The following TBL1XR1 variants were observed in gnomAD, a reference collection of about 807,000 sequenced individuals.
TBL1XR1 encodes the protein F-box-like/WD repeat-containing protein TBL1XR1.
In TBL1XR1, 5 loss-of-function variants were observed where a neutral mutation model predicts 66.9. The ratio of observed to expected loss-of-function variants is 0.07; its 90% CI spans 0.04 to 0.16. TBL1XR1 has a LOEUF of 0.16. Ranked by LOEUF, TBL1XR1 falls within the 10% of genes least tolerant of loss-of-function variation. The pLI is 1.00. For synonymous variants in TBL1XR1, 210 were observed against 206.0 expected, an observed-to-expected ratio of 1.02 and a Z score of -0.17; for missense variants, 238 against 623.2, an observed-to-expected ratio of 0.38 and a Z score of 6.58.
chr3:177,194,966 C>CTT (rs5854747), intron 1 of TBL1XR1, among the ~76,000 whole-genome samples: 88,059 of 151,718 alleles, frequency 0.58, 25,872 homozygotes, highest in East Asian at 0.75. Context: ...AGAAAAATGT[C>CTT]ATAAACTGAC....
intron 1 of TBL1XR1, among the ~76,000 whole-genome samples, chr3:177,099,649 G>A (rs1346059385): frequency 6.6e-6 from 1 of 152,238 alleles, no homozygotes; most frequent in Non-Finnish European, 1.5e-5. Flanking sequence ...AGCCCCCAAG[G>A]TTTGTTGCCT....
At chr3:177,070,186 G>C (rs1470688842) in intron 2 of TBL1XR1, among the ~76,000 whole-genome samples, 1 of 152,120 alleles carries the variant, frequency 6.6e-6, no homozygotes, top group East Asian at 1.9e-4. Context: ...AAGTCCAAGA[G>C]TCATTAGCTA....
intron 1 of TBL1XR1, among the ~76,000 whole-genome samples, chr3:177,147,175 T>C (rs1319662912): frequency 6.6e-6 from 1 of 151,996 alleles, no homozygotes; most frequent in Non-Finnish European, 1.5e-5. Flanking sequence ...GCCTCCTAAG[T>C]AGCTGGGACT....
upstream of TBL1XR1, among the ~76,000 whole-genome samples, chr3:177,201,577 G>A (rs1358597449): frequency 1.3e-5 from 2 of 152,050 alleles, no homozygotes; most frequent in African/African-American, 2.4e-5. Context: ...GGACTACAGG[G>A]TCTCATTACT....
intron 1 of TBL1XR1, among the ~76,000 whole-genome samples, chr3:177,150,932 G>A (rs1458809483): frequency 6.6e-6 from 1 of 152,150 alleles, no homozygotes; most frequent in Non-Finnish European, 1.5e-5. Flanking sequence ...TCACTGTATT[G>A]GAAGGTGAGT....
At chr3:177,095,872 T>C (rs1184084170) in intron 2 of TBL1XR1, among the ~76,000 whole-genome samples, 1 of 152,190 alleles carries the variant, frequency 6.6e-6, no homozygotes, top group Non-Finnish European at 1.5e-5. Context: ...CATATTATTT[T>C]AACAAGAACA....
At chr3:177,057,290 T>C (rs950486378) in intron 3 of TBL1XR1, among the ~76,000 whole-genome samples, 5 of 152,222 alleles carry the variant, frequency 3.3e-5, no homozygotes, top group Non-Finnish European at 5.9e-5. Context: ...TCTCCTACGC[T>C]GATCCTAGAA....
At chr3:177,034,658 T>C (rs959685229) in intron 12 of TBL1XR1, among the ~76,000 whole-genome samples, 2 of 152,148 alleles carry the variant, frequency 1.3e-5, no homozygotes, top group African/African-American at 4.8e-5. Context: ...GCAAAAGATC[T>C]ACATAATAAA....
At chr3:177,167,118 G>A (rs2091655) in intron 1 of TBL1XR1, among the ~76,000 whole-genome samples, 4 of 152,190 alleles carry the variant, frequency 2.6e-5, no homozygotes, top group African/African-American at 9.7e-5. Context: ...GTAGGTCAAA[G>A]TTGATAAACT....
At chr3:177,049,391 C>A (rs148906594) in intron 7 of TBL1XR1, among the ~76,000 whole-genome samples, 1 of 152,048 alleles carries the variant, frequency 6.6e-6, no homozygotes, top group African/African-American at 2.4e-5. Flanking sequence ...TTATCAACAA[C>A]GAAGTCAAAG....
At chr3:177,079,153 C>T (rs760316796) in intron 2 of TBL1XR1, among the ~76,000 whole-genome samples, 1 of 150,448 alleles carries the variant, frequency 6.6e-6, no homozygotes, top group Non-Finnish European at 1.5e-5. Context: ...AAATGTCGGC[C>T]GGGTGCGGTG....
intron 1 of TBL1XR1, among the ~76,000 whole-genome samples, chr3:177,170,930 C>T (rs995256862): frequency 6.6e-6 from 1 of 152,132 alleles, no homozygotes; most frequent in Non-Finnish European, 1.5e-5. Flanking sequence ...CCCTGGATCC[C>T]CAGTTCTAAC....
At chr3:177,072,833 G>A (rs1720212725) in intron 2 of TBL1XR1, among the ~76,000 whole-genome samples, 1 of 152,232 alleles carries the variant, frequency 6.6e-6, no homozygotes, top group African/African-American at 2.4e-5. Context: ...AGAAGCCGAG[G>A]CGGGTGGATC....
chr3:177,053,300 T>C (rs1717354425), intron 4 of TBL1XR1, among the ~76,000 whole-genome samples: 1 of 152,054 alleles, frequency 6.6e-6, no homozygotes. Flanking sequence ...AATCAAACTT[T>C]ATTGAGAAAA....
At chr3:177,034,449 G>A in intron 12 of TBL1XR1, 124 bp from the exon 13 acceptor site, 1 of 567,126 alleles carries the variant, frequency 1.8e-6, no homozygotes. Flanking sequence ...CCAGAATGAT[G>A]ATAGAATATT....
Position 177,022,098 on chromosome 3 carries a change from A to C in TBL1XR1, c.*3400T>G, listed in dbSNP as rs1320389293. 2 of 152,584 alleles carry C rather than the reference A, an allele frequency of 1.3e-5. No individual in the cohort carries two copies. Among genetic ancestry groups the C allele is most frequent in the Non-Finnish European group, 2.9e-5 (2 of 67,984 alleles). 9.5% of individuals were successfully genotyped at this position (152,584 alleles called of 1,614,324 possible). ...TCCTTAAAAATAGTACTCTCTCATT[A>C]AATCTAATTTGACAGAAAGAAGTTT... is the stretch of plus-strand genomic sequence containing the variant. On this transcript the variant is annotated 3_prime_UTR_variant, in exon 16 of 16. Coordinates refer to ENST00000457928, the MANE Select transcript of TBL1XR1 (RefSeq NM_024665.7).
intron 1 of TBL1XR1, among the ~76,000 whole-genome samples, chr3:177,149,074 G>A (rs1396311199): frequency 2.0e-5 from 3 of 152,116 alleles, no homozygotes; most frequent in Non-Finnish European, 4.4e-5. Context: ...TAAGCAATGA[G>A]CAGAGCTTCC....
At chr3:177,128,949 G>A (rs920695176) in intron 1 of TBL1XR1, among the ~76,000 whole-genome samples, 10 of 151,906 alleles carry the variant, frequency 6.6e-5, no homozygotes, top group Non-Finnish European at 1.3e-4. Flanking sequence ...GCAGATTCTC[G>A]CAACACTCTC....
chr3:177,071,020 T>C (rs542176483), intron 2 of TBL1XR1, among the ~76,000 whole-genome samples: 1 of 145,900 alleles, frequency 6.9e-6, no homozygotes, highest in South Asian at 2.2e-4. Context: ...ACAGACATGT[T>C]CTGAGAATCT....
Sources: gnomAD v4.1 joint callset for allele counts (sites outside exome capture counted in the v4.1 genomes callset) on GRCh38, gnomAD v4.1.1 for gene constraint, MANE v1.5 for transcripts, NCBI Gene and HGNC (gene_info 2026-07-23, HGNC 2026-07-21) for gene names.